The following APOO variants were observed in gnomAD, a reference collection of about 807,000 sequenced individuals.
The protein encoded by APOO is apolipoprotein O.
Under a neutral mutation model 23.1 loss-of-function variants are expected in APOO, and 11 were observed. The observed-to-expected ratio is 0.48, with a 90% CI of 0.30 to 0.79. The LOEUF (loss-of-function observed/expected upper bound fraction) is 0.79. APOO is among the 30% of genes least tolerant of loss of function. The pLI, the probability that APOO is intolerant of heterozygous loss-of-function variation, is 0.07. For synonymous variants in APOO, 59 were observed against 54.8 expected, an observed-to-expected ratio of 1.08 and a Z score of -0.34; for missense variants, 160 against 142.7, an observed-to-expected ratio of 1.12 and a Z score of -0.62.
intron 7 of APOO, among the ~76,000 whole-genome samples, chrX:23,848,677 CATTTT>C (rs1448337587): frequency 3.7e-5 from 4 of 107,637 alleles, no homozygotes; most frequent in Non-Finnish European, 7.7e-5. Context: ...AAAATATCAC[CATTTT>C]CTTTTCTTTT....
At chrX:23,882,119 T>C (rs1873067814) in intron 1 of APOO, among the ~76,000 whole-genome samples, 1 of 111,554 alleles carries the variant, frequency 9.0e-6, no homozygotes, top group Non-Finnish European at 1.9e-5. Context: ...AGCTGGCTAA[T>C]CTGTATCGTG....
intron 5 of APOO, among the ~76,000 whole-genome samples, chrX:23,861,892 C>G (rs1307543935): frequency 3.8e-5 from 4 of 105,595 alleles, no homozygotes; most frequent in Non-Finnish European, 7.7e-5. Context: ...CAACCTCTGC[C>G]TCCTGGGTTC....
chrX:23,897,886 C>A (rs1027325145), intron 1 of APOO, among the ~76,000 whole-genome samples: 4 of 107,017 alleles, frequency 3.7e-5, no homozygotes, highest in African/African-American at 1.4e-4. Flanking sequence ...TCCCAGCTAC[C>A]CAGGAGGGTG....
At chrX:23,859,576 T>C (rs1402677338) in intron 5 of APOO, among the ~76,000 whole-genome samples, 6 of 110,851 alleles carry the variant, frequency 5.4e-5, no homozygotes, top group Non-Finnish European at 1.1e-4. Context: ...CTCGAGTAGC[T>C]GGGGTTACAG....
intron 2 of APOO, 123 bp from the exon 3 acceptor site, chrX:23,879,157 C>T (rs1925996347): frequency 6.8e-6 from 6 of 877,032 alleles, no homozygotes; most frequent in Middle Eastern, 4.6e-4. Context: ...ACTCTGTGGT[C>T]GGGTGTGGTG....
intron 6 of APOO, among the ~76,000 whole-genome samples, chrX:23,857,583 A>G (rs759509663): frequency 8.9e-6 from 1 of 111,938 alleles, no homozygotes; most frequent in South Asian, 3.7e-4. Context: ...CTGTAGCCCA[A>G]TCAAGGAATC....
chrX:23,901,423 C>G, intron 1 of APOO, among the ~76,000 whole-genome samples: 1 of 111,252 alleles, frequency 9.0e-6, no homozygotes, highest in Non-Finnish European at 1.9e-5. Flanking sequence ...TTCAGCAAGC[C>G]CAACCTGTTC....
At chrX:23,840,158 C>T (rs1923899635) in intron 8 of APOO, 155 bp downstream of exon 8, 1 of 341,833 alleles carries the variant, frequency 2.9e-6, no homozygotes, top group African/African-American at 2.8e-5. Flanking sequence ...ATAAGTAAGT[C>T]ACAGCATTTA....
At chrX:23,874,314 A>C (rs778548713) in intron 4 of APOO, 89 bp downstream of exon 4, 57 of 811,570 alleles carry the variant, frequency 7.0e-5, no homozygotes, top group Non-Finnish European at 9.9e-5. Flanking sequence ...AGGAATACAC[A>C]GATTTCTTGG....
intron 7 of APOO, among the ~76,000 whole-genome samples, chrX:23,847,612 C>T (rs976482398): frequency 1.3e-4 from 14 of 108,822 alleles, no homozygotes; most frequent in African/African-American, 3.3e-4. Context: ...GGCGACAGTG[C>T]GAGACTCCAT....
chrX:23,859,712 G>C (rs921977369), intron 5 of APOO, among the ~76,000 whole-genome samples: 1 of 111,723 alleles, frequency 9.0e-6, no homozygotes, highest in African/African-American at 3.2e-5. Context: ...CAAAGTGCTG[G>C]GATTACAGGT....
At chrX:23,889,956 T>C (rs2520240) in intron 1 of APOO, among the ~76,000 whole-genome samples, 61,436 of 109,806 alleles carry the variant, frequency 0.56, 13,987 homozygotes, top group Non-Finnish European at 0.72. Context: ...CCACCGCGCC[T>C]GGCCCACCTG....
Position 23,874,426 on chromosome X carries a change from T to C in APOO, c.269A>G (p.Gln90Arg), listed in dbSNP as rs779552153. The change falls in exon 4 of 9, where the codon CAA (glutamine) becomes CGA (arginine). Residue 90 changes from glutamine (Q) to arginine (R), a missense_variant. Transcript: ENST00000379226. Reference protein sequence around the residue: ...ETYSQTKPKMQSLVQWGLDSY... With the variant: ...ETYSQTKPKMRSLVQWGLDSY... Reference sequence around the variant, plus strand: ...ACCTAACCCCCATTGAACCAAACTTTGCATCTTGGGCTTAGTTTGGGAGTA... The same window carrying C: ...ACCTAACCCCCATTGAACCAAACTTCGCATCTTGGGCTTAGTTTGGGAGTA... The C allele has an allele frequency of 6.6e-6, 8 of 1,209,472 alleles. No homozygotes were observed. Among genetic ancestry groups the C allele is most frequent in the African/African-American group, 3.5e-5 (2 of 57,315 alleles).
At chrX:23,858,863 G>A in intron 5 of APOO, 130 bp from the exon 6 acceptor site, 2 of 527,381 alleles carry the variant, frequency 3.8e-6, no homozygotes, top group Non-Finnish European at 5.9e-6. Flanking sequence ...AGCTCTGGGA[G>A]GCCGAGGCGG....
chrX:23,896,829 A>T (rs1227180013), intron 1 of APOO, among the ~76,000 whole-genome samples: 2 of 99,858 alleles, frequency 2.0e-5, no homozygotes, highest in Non-Finnish European at 2.0e-5. Context: ...TTTGGTAGAG[A>T]TGGAGTCTCA....
intron 1 of APOO, among the ~76,000 whole-genome samples, chrX:23,899,260 A>G (rs1008266513): frequency 9.8e-5 from 11 of 112,605 alleles, no homozygotes; most frequent in Non-Finnish European, 1.9e-4. Context: ...TACTATCCAT[A>G]ATGCATAAAG....
chrX:23,884,236 C>T (rs148160515), intron 1 of APOO, among the ~76,000 whole-genome samples: 1,665 of 110,513 alleles, frequency 0.015, 30 homozygotes, highest in African/African-American at 0.051. Context: ...CTCAGTGTGG[C>T]GCTTTAAGTC....
chrX:23,880,525 C>T (rs1187941611), intron 2 of APOO, among the ~76,000 whole-genome samples: 1 of 110,173 alleles, frequency 9.1e-6, no homozygotes, highest in African/African-American at 3.3e-5. Context: ...CATGGTGAAA[C>T]CTTGTCTCTA....
At chrX:23,837,100 CA>C (rs970514221) in intron 8 of APOO, 2 of 801,146 alleles carry the variant, frequency 2.5e-6, no homozygotes, top group African/African-American at 4.5e-5. Context: ...TACATGACTA[CA>C]AATAGTCCGA....
Sources: gnomAD v4.1 joint callset for allele counts (sites outside exome capture counted in the v4.1 genomes callset) on GRCh38, gnomAD v4.1.1 for gene constraint, MANE v1.5 for transcripts, NCBI Gene and HGNC (gene_info 2026-07-23, HGNC 2026-07-21) for gene names.